FAM3D: variants seen among roughly 807,000 people sequenced by gnomAD.
The protein encoded by FAM3D is FAM3 metabolism regulating signaling molecule D.
FAM3D carries 26 observed loss-of-function variants against 29.8 expected under a neutral mutation model. The ratio of observed to expected loss-of-function variants is 0.87; its 90% confidence interval spans 0.64 to 1.21. The LOEUF is 1.21. Ranked by LOEUF, FAM3D falls within the 50% of genes most tolerant of loss-of-function variation. The probability of loss-of-function intolerance (pLI) is 0.00; values close to 1 mark genes in which losing one functional copy is unlikely to be tolerated. For synonymous variants in FAM3D, 115 were observed against 102.3 expected (o/e 1.12, Z -0.75); for missense variants, 253 against 290.9 (o/e 0.87, Z 0.95).
At chr3:58,637,665 G>A (rs2066213576) in intron 7 of FAM3D, among the ~76,000 whole-genome samples, 1 of 152,082 alleles carries the variant, frequency 6.6e-6, no homozygotes, top group Non-Finnish European at 1.5e-5. Flanking sequence ...GGTATAGCAC[G>A]TGGCCTCAGA....
At chr3:58,664,563 A>C (rs1461200361) in intron 1 of FAM3D, among the ~76,000 whole-genome samples, 1 of 152,262 alleles carries the variant, frequency 6.6e-6, no homozygotes, top group African/African-American at 2.4e-5. Context: ...CAAAATGCAC[A>C]CTGTCAAATC....
chr3:58,652,374 C>CATTCATT (rs1559504352), intron 3 of FAM3D, among the ~76,000 whole-genome samples: 2 of 150,558 alleles, frequency 1.3e-5, no homozygotes, highest in African/African-American at 4.9e-5. Context: ...ACCTGTCCAT[C>CATTCATT]CATTCATTCA....
At chr3:58,641,479 G>T (rs1281598165) in intron 6 of FAM3D, among the ~76,000 whole-genome samples, 1 of 151,922 alleles carries the variant, frequency 6.6e-6, no homozygotes, top group Non-Finnish European at 1.5e-5. Context: ...TCCCACCTCA[G>T]CCTTAGCTGG....
chr3:58,663,764 A>G (rs533832470), intron 1 of FAM3D, among the ~76,000 whole-genome samples: 2 of 152,234 alleles, frequency 1.3e-5, no homozygotes, highest in African/African-American at 4.8e-5. Flanking sequence ...CCAACACAGA[A>G]CCAGTTGTAC....
chr3:58,644,853 A>C (rs2066430947), intron 5 of FAM3D, among the ~76,000 whole-genome samples: 3 of 152,168 alleles, frequency 2.0e-5, no homozygotes, highest in Non-Finnish European at 1.5e-5. Flanking sequence ...CATTGTTTGA[A>C]TCCCTGGATC....
At chr3:58,641,976 G>A (rs888605072) in intron 6 of FAM3D, among the ~76,000 whole-genome samples, 5 of 152,162 alleles carry the variant, frequency 3.3e-5, no homozygotes, top group African/African-American at 1.2e-4. Context: ...GCCTGCCCTC[G>A]CTGTGGGGTG....
In FAM3D at chr3:58,634,444, C is replaced by A; in HGVS notation, c.586-76G>T. 7.6e-7 allele frequency: 1 copy of A among 1,324,006 alleles called. No individual in the cohort carries two copies. The highest frequency in any genetic ancestry group is 1.2e-5 in the South Asian group (1 of 80,698). The allele number at this position is 1,324,006 out of a possible 1,614,324, so 82.0% of individuals were successfully genotyped here. On this transcript the variant is annotated intron_variant, in intron 9 of 9. Coordinates refer to ENST00000358781, the MANE Select transcript of FAM3D (RefSeq NM_138805.3). The surrounding 1 kb of genome is among the most constrained non-coding windows in gnomAD (Gnocchi z 4.6). Reference sequence around the variant, plus strand: ...AACTCATGCCCACATGGACACTGTGCTCTAAACCTAAATGGGGGTGTGGGA... The same window carrying A: ...AACTCATGCCCACATGGACACTGTGATCTAAACCTAAATGGGGGTGTGGGA...
At chr3:58,637,262 G>A (rs747638232) in intron 7 of FAM3D, 37 bp from the exon 8 acceptor site, 2 of 1,556,700 alleles carry the variant, frequency 1.3e-6, no homozygotes, top group Admixed American at 1.8e-5. Context: ...TGATTTAGGG[G>A]AAATGAGCCC....
chr3:58,638,136 G>A (rs1270808696), intron 7 of FAM3D, among the ~76,000 whole-genome samples: 2 of 152,072 alleles, frequency 1.3e-5, no homozygotes, highest in Non-Finnish European at 2.9e-5. Flanking sequence ...TGCCTGTCTC[G>A]ACCTCCCAAA....
At position 58,655,240 on chromosome 3, in the gene FAM3D, T is replaced by C. The variant is rs1393807399; in HGVS notation, c.13+311A>G. ...TTGCCTCCCTCTAGAATTTTTATGG[T>C]ATAAAAATTCTAGAATAGCCCTCCT... On this transcript the variant is annotated intron_variant, in intron 2 of 9. Coordinates refer to ENST00000358781, the MANE Select transcript of FAM3D (RefSeq NM_138805.3). 3.9e-5 allele frequency among the ~76,000 whole-genome samples: 6 copies of C among 152,148 alleles called. No homozygotes were observed. In the East Asian group the frequency reaches 7.7e-4, roughly 20 times the overall value.
At chr3:58,654,694 C>A (rs1365041892) in intron 2 of FAM3D, among the ~76,000 whole-genome samples, 1 of 152,086 alleles carries the variant, frequency 6.6e-6, no homozygotes, top group Non-Finnish European at 1.5e-5. Context: ...GTTGGCATCT[C>A]CCCTGCTCCC....
At chr3:58,638,139 C>T (rs1232294970) in intron 7 of FAM3D, among the ~76,000 whole-genome samples, 1 of 152,318 alleles carries the variant, frequency 6.6e-6, no homozygotes, top group Middle Eastern at 3.4e-3. Context: ...CTGTCTCGAC[C>T]TCCCAAAGTG....
At chr3:58,637,399 A>AG (rs946088699) in intron 7 of FAM3D, among the ~76,000 whole-genome samples, 174 bp from the exon 8 acceptor site, 8 of 152,066 alleles carry the variant, frequency 5.3e-5, no homozygotes, top group Non-Finnish European at 1.0e-4. Flanking sequence ...CCCTTGTCCT[A>AG]GGGGAGGGCA....
chr3:58,658,921 C>T (rs1223930953), intron 1 of FAM3D, among the ~76,000 whole-genome samples: 2 of 152,192 alleles, frequency 1.3e-5, no homozygotes, highest in Admixed American at 1.3e-4. Flanking sequence ...GATGCAAATA[C>T]AGGGGCAGAG....
chr3:58,655,479 A>C, intron 2 of FAM3D, 72 bp downstream of exon 2: 2 of 1,598,354 alleles, frequency 1.3e-6, no homozygotes, highest in Non-Finnish European at 1.7e-6. Context: ...GATACAGCCA[A>C]ATCACTGTGA....
At chr3:58,646,711 G>A (rs1257199547) in intron 4 of FAM3D, among the ~76,000 whole-genome samples, 1 of 152,226 alleles carries the variant, frequency 6.6e-6, no homozygotes, top group East Asian at 1.9e-4. Flanking sequence ...GTGCTTTGGA[G>A]CAAAGCTGCA....
chr3:58,641,939 G>C (rs575908095), intron 6 of FAM3D, among the ~76,000 whole-genome samples: 2 of 152,248 alleles, frequency 1.3e-5, no homozygotes, highest in African/African-American at 2.4e-5. Flanking sequence ...GTTTCAGCCA[G>C]GTCAGCTGCA....
rs149077834 is a variant in FAM3D, at chr3:58,649,332, G to A, written c.128C>T (p.Ser43Leu). 1.7e-5 allele frequency: 28 copies of A among 1,613,758 alleles called. No homozygotes were observed. Among genetic ancestry groups the A allele is most frequent in the Non-Finnish European group, 1.9e-5 (22 of 1,179,864 alleles). ...TIRLPRWLAA[S>L]PTKEIQVKKY... is the part of the protein sequence containing the mutation. The stretch of plus-strand genomic sequence containing the variant: ...ATACTCACGGATCTCCTTGGTGGGC[G>A]AGGCTGCTGGAGAGAAGACAGAATC... The change falls in exon 4 of 10, where the codon TCG (serine) becomes TTG (leucine). Residue 43 changes from serine (S) to leucine (L), a missense_variant. Physicochemically the swap from Ser to Leu is moderately radical, Grantham distance 145 (BLOSUM62 -2). Coordinates refer to ENST00000358781, the MANE Select transcript of FAM3D (RefSeq NM_138805.3).
intron 1 of FAM3D, among the ~76,000 whole-genome samples, chr3:58,662,149 T>TCC: frequency 6.6e-6 from 1 of 151,996 alleles, no homozygotes. Flanking sequence ...TGGGGCTGGG[T>TCC]GGAGTATCTG....
Sources: gnomAD v4.1 joint callset for allele counts (sites outside exome capture counted in the v4.1 genomes callset) on GRCh38, gnomAD v4.1.1 for gene constraint, Gnocchi (gnomAD v3.1) non-coding constraint, MANE v1.5 for transcripts, NCBI Gene and HGNC (gene_info 2026-07-23, HGNC 2026-07-21) for gene names.